Variants in AP4E1 observed in about 807,000 individuals in gnomAD.
AP4E1 encodes AP-4 complex subunit epsilon-1.
Under a neutral mutation model 128.2 loss-of-function variants are expected in AP4E1, and 56 were observed. That is an observed-to-expected ratio of 0.44 (90% confidence interval 0.35 to 0.55). The LOEUF (loss-of-function observed/expected upper bound fraction) is 0.55, where lower values mean the gene tolerates loss of function less well. Among genes scored for constraint, AP4E1 ranks in the 20% least tolerant of loss-of-function variants. AP4E1 has a pLI of 0.00. For missense variants in AP4E1, 1,324 were observed against 1,307.7 expected (o/e 1.01, Z -0.19); for synonymous variants, 484 against 473.1 (o/e 1.02, Z -0.30).
At chr15:50,996,633 A>T (rs1466356662) in intron 17 of AP4E1, among the ~76,000 whole-genome samples, 1 of 152,106 alleles carries the variant, frequency 6.6e-6, no homozygotes, top group Non-Finnish European at 1.5e-5. Flanking sequence ...AGTCTGCTGC[A>T]CTGATTCTAA....
At chr15:50,980,919 C>T (rs2064635008) in intron 15 of AP4E1, among the ~76,000 whole-genome samples, 1 of 152,176 alleles carries the variant, frequency 6.6e-6, no homozygotes, top group Admixed American at 6.5e-5. Flanking sequence ...CGTCCTCCAC[C>T]TAGATTTCAG....
At chr15:50,908,341 G>A (rs539625108), upstream of AP4E1, among the ~76,000 whole-genome samples, 1 of 152,308 alleles carries the variant, frequency 6.6e-6, no homozygotes, top group South Asian at 2.1e-4. Flanking sequence ...GAGAGGCGGC[G>A]GACGGCGCGG....
chr15:50,929,313 G>A (rs2063803895), intron 6 of AP4E1, 145 bp downstream of exon 6: 1 of 912,104 alleles, frequency 1.1e-6, no homozygotes, highest in Non-Finnish European at 1.6e-6. Context: ...AGTTTTGCAA[G>A]TTGTTGAGAG....
At chr15:50,913,709 C>T (rs369115752) in intron 2 of AP4E1, among the ~76,000 whole-genome samples, 4 of 152,192 alleles carry the variant, frequency 2.6e-5, no homozygotes, top group Non-Finnish European at 4.4e-5. Context: ...AACTTAATGG[C>T]TTAAATGAAC....
intron 6 of AP4E1, among the ~76,000 whole-genome samples, chr15:50,930,431 A>T (rs2063820111): frequency 1.3e-5 from 2 of 150,506 alleles, no homozygotes; most frequent in Admixed American, 1.3e-4. Context: ...GATTGCAAAT[A>T]GGCCTTGATT....
chr15:50,928,229 A>AT lies in AP4E1; in HGVS notation c.543-780_543-779insT, dbSNP rs1427202970. ...CTGCTATCCAGTGATATATATATAT[A>AT]AAAAAGAAACATAGAAAGCTACTAT... On this transcript the variant is annotated intron_variant, in intron 5 of 20. Coordinates refer to ENST00000261842, the MANE Select transcript of AP4E1 (RefSeq NM_007347.5). Among the ~76,000 whole-genome samples the AT allele has an allele frequency of 2.9e-4, 44 of 152,214 alleles. 1 individual carries two copies. Among genetic ancestry groups the AT allele is most frequent in the African/African-American group, 3.9e-4 (16 of 41,512 alleles).
At position 50,908,720 on chromosome 15, in the gene AP4E1, C is replaced by A. The variant is rs982103605; in HGVS notation, c.-59C>A. The A allele has an allele frequency of 6.9e-7, 1 of 1,444,650 alleles. No homozygotes were observed. Among genetic ancestry groups the A allele is most frequent in the Non-Finnish European group, 9.1e-7 (1 of 1,101,636 alleles). 89.5% of individuals were successfully genotyped at this position (1,444,650 alleles called of 1,614,324 possible). ...GGCCGGGCCGGCAGCGGCGGCCGGG[C>A]ATGAAGCCGGGCGGCTACGGGATCG... On this transcript the variant is annotated 5_prime_UTR_variant, in exon 1 of 21. Transcript: ENST00000261842.
At chr15:50,999,407 A>G in intron 19 of AP4E1, 145 bp downstream of exon 19, 2 of 643,340 alleles carry the variant, frequency 3.1e-6, no homozygotes, top group East Asian at 5.5e-5. Context: ...AGGAATTTCT[A>G]GTCTATGGAG....
chr15:50,917,786 C>T (rs2063647281), intron 3 of AP4E1, among the ~76,000 whole-genome samples: 1 of 151,926 alleles, frequency 6.6e-6, no homozygotes, highest in South Asian at 2.1e-4. Flanking sequence ...GGGAAAGGAC[C>T]GAAACAAACA....
At chr15:50,925,065 A>G in intron 4 of AP4E1, 33 bp from the exon 5 acceptor site, 1 of 1,613,106 alleles carries the variant, frequency 6.2e-7, no homozygotes, top group African/African-American at 1.3e-5. Context: ...CAGTATTTAC[A>G]CTAAATGTTT....
intron 8 of AP4E1, among the ~76,000 whole-genome samples, chr15:50,938,598 A>G (rs1490105545): frequency 6.6e-6 from 1 of 152,122 alleles, no homozygotes; most frequent in Non-Finnish European, 1.5e-5. Context: ...CCCATCTGGA[A>G]GTAGGGAGTA....
chr15:51,001,193 G>T lies in AP4E1; in HGVS notation c.3253+10G>T, dbSNP rs556849879. ...ATTATTGAGATTATAGGTTTGTAGA[G>T]TTATAAAAAGGCTATTCTGTGTTTA... On this transcript the variant is annotated intron_variant, in intron 20 of 20. Coordinates refer to ENST00000261842, the MANE Select transcript of AP4E1 (RefSeq NM_007347.5). The T allele has an allele frequency of 6.2e-7, 1 of 1,611,260 alleles. No homozygotes were observed. The highest frequency in any genetic ancestry group is 8.5e-7 in the Non-Finnish European group (1 of 1,178,240).
chr15:50,914,089 G>A (rs994122819), intron 2 of AP4E1, among the ~76,000 whole-genome samples: 1 of 152,078 alleles, frequency 6.6e-6, no homozygotes, highest in African/African-American at 2.4e-5. Flanking sequence ...CAAAGTGCTG[G>A]GATTACAGGA....
Position 50,958,513 on chromosome 15 carries a change from C to T in AP4E1, c.1570C>T (p.Leu524Phe), listed in dbSNP as rs1253996994. ...MSWVLGEYSY[L>F]LDKETPEEVI... Reference sequence around the variant, plus strand: ...ACAGGTATTAGGGGAATATTCCTACCTCTTAGATAAGGAAACGCCAGAGGA... The same window carrying T: ...ACAGGTATTAGGGGAATATTCCTACTTCTTAGATAAGGAAACGCCAGAGGA... Residue 524 changes from leucine to phenylalanine, a missense_variant, in exon 14 of 21, where the codon CTC becomes TTC. Coordinates refer to ENST00000261842, the MANE Select transcript of AP4E1 (RefSeq NM_007347.5). The T allele has an allele frequency of 3.7e-6, 6 of 1,612,696 alleles. No individual in the cohort carries two copies. Among genetic ancestry groups the T allele is most frequent in the Non-Finnish European group, 5.1e-6 (6 of 1,179,288 alleles).
rs147580733 is a variant in AP4E1 at position 50,988,507 on chromosome 15, G to A, written c.2090+4362G>A. Among the ~76,000 whole-genome samples, 670 of 152,060 alleles carry A rather than the reference G, an allele frequency of 4.4e-3. 4 individuals are homozygous for A. Among genetic ancestry groups the A allele is most frequent in the African/African-American group, 0.015 (626 of 41,464 alleles). On this transcript the variant is annotated intron_variant, in intron 16 of 20. Transcript: ENST00000261842. ...TTTTTTGTATTTTTAGTAGAGATGGGTTTCACCATGTTGGCCAGGCTGGTC... is the reference window on the plus strand; with the variant it reads ...TTTTTTGTATTTTTAGTAGAGATGGATTTCACCATGTTGGCCAGGCTGGTC...
intron 16 of AP4E1, among the ~76,000 whole-genome samples, chr15:50,991,304 A>G (rs941526289): frequency 6.6e-6 from 1 of 152,156 alleles, no homozygotes. Flanking sequence ...TATTTAAATC[A>G]TGGATTAGTA....
chr15:50,909,010 T>C (rs2141121189), intron 1 of AP4E1, 82 bp downstream of exon 1: 1 of 1,580,458 alleles, frequency 6.3e-7, no homozygotes, highest in Non-Finnish European at 8.6e-7. Flanking sequence ...CGGCGAGACT[T>C]CAGGGCCTCT....
Position 50,971,950 on chromosome 15 carries a change from T to C in AP4E1, c.1966+3573T>C, listed in dbSNP as rs73408543. 1.8e-3 allele frequency among the ~76,000 whole-genome samples: 273 copies of C among 152,314 alleles called. 2 individuals are homozygous for C. The highest frequency in any genetic ancestry group is 5.9e-3 in the African/African-American group (246 of 41,570). ...AATTCCTTTTCTGGAATTTCATACA[T>C]TTCCTTATGATTAGGGGTCTGTTAC... On this transcript the variant is annotated intron_variant, in intron 15 of 20. Transcript: ENST00000261842.
intron 15 of AP4E1, among the ~76,000 whole-genome samples, chr15:50,974,595 A>G (rs1485241215): frequency 6.6e-6 from 1 of 152,134 alleles, no homozygotes; most frequent in Non-Finnish European, 1.5e-5. Flanking sequence ...AGGAACCTCC[A>G]TACTGCTTTC....
Sources: gnomAD v4.1 joint callset for allele counts (sites outside exome capture counted in the v4.1 genomes callset) on GRCh38, gnomAD v4.1.1 for gene constraint, MANE v1.5 for transcripts, NCBI Gene and HGNC (gene_info 2026-07-23, HGNC 2026-07-21) for gene names.